The following DENND5A variants were observed in gnomAD, a reference collection of about 807,000 sequenced individuals.
DENND5A encodes the protein DENN domain-containing protein 5A.
In DENND5A, 64 loss-of-function variants were observed where a neutral mutation model predicts 140.3. The observed-to-expected ratio is 0.46, with a 90% CI of 0.37 to 0.56. DENND5A has a LOEUF of 0.56. Among genes scored for constraint, DENND5A ranks in the 20% least tolerant of loss-of-function variants. The pLI is 0.00. For missense variants in DENND5A, 1,292 were observed against 1,593.8 expected (o/e 0.81, Z 3.22); for synonymous variants, 605 against 607.7 (o/e 1.00, Z 0.07).
chr11:9,246,472 T>C (rs1851475605), intron 1 of DENND5A, among the ~76,000 whole-genome samples: 1 of 151,760 alleles, frequency 6.6e-6, no homozygotes, highest in African/African-American at 2.4e-5. Context: ...ATCAGCCAGG[T>C]GTGGTGGCAC....
At chr11:9,167,106 T>G (rs1399989442) in intron 10 of DENND5A, among the ~76,000 whole-genome samples, 1 of 152,190 alleles carries the variant, frequency 6.6e-6, no homozygotes, top group Admixed American at 6.5e-5. Flanking sequence ...TTCTTCTTCA[T>G]ATGTTGTTTA....
At position 9,265,098 on chromosome 11, in the gene DENND5A, T is replaced by C; in HGVS notation, c.-29A>G. On this transcript the variant is annotated 5_prime_UTR_variant, in exon 1 of 23. Transcript: ENST00000328194. The surrounding 1 kb of genome is among the most constrained non-coding windows in gnomAD (Gnocchi z 4.7). ...GCCGGGGCCGAGACCGGCCGGGCAG[T>C]GCGGAGCGGCACCGAGCCCCCGCAA... 6 of 1,402,704 alleles carry C rather than the reference T, an allele frequency of 4.3e-6. No individual in the cohort carries two copies. The highest frequency in any genetic ancestry group is 5.6e-6 in the Non-Finnish European group (6 of 1,073,316). 86.9% of individuals were successfully genotyped at this position (1,402,704 alleles called of 1,614,324 possible). A position where few individuals can be genotyped will look rare whatever the true frequency, so the allele number is the denominator to read the frequency against.
chr11:9,145,492 G>A lies in DENND5A; in HGVS notation c.3003+178C>T, dbSNP rs570484409. 25 of 710,418 alleles carry A rather than the reference G, an allele frequency of 3.5e-5. No homozygotes were observed. The Admixed American group carries it at 4.2e-4, about 12-fold the overall frequency. 44.0% of individuals were successfully genotyped at this position (710,418 alleles called of 1,614,324 possible). On this transcript the variant is annotated intron_variant, in intron 17 of 22. Coordinates refer to ENST00000328194, the MANE Select transcript of DENND5A (RefSeq NM_015213.4). ...TCCAAACATTGTTTAGACAGGGTGG[G>A]GTCCCCCTCCTCAGGGTCAGTCTTT...
In DENND5A at chr11:9,231,715, CA is replaced by C. The variant is rs71062818; in HGVS notation, c.110-24084del. 2.1e-3 allele frequency among the ~76,000 whole-genome samples: 169 copies of C among 78,960 alleles called. 6 individuals are homozygous for C. Among genetic ancestry groups the C allele is most frequent in the Middle Eastern group, 0.017 (2 of 118 alleles). The allele number at this position is 78,960 out of a possible 152,430, so 51.8% of individuals were successfully genotyped here. A position where few individuals can be genotyped will look rare whatever the true frequency, so the allele number is the denominator to read the frequency against. ...GGGCAACAAGAGCGAAACTCCGTCT[CA>C]AAAAAAAAAAAAAAAAGACTCTGGG... On this transcript the variant is annotated intron_variant, in intron 1 of 22. Coordinates refer to ENST00000328194, the MANE Select transcript of DENND5A (RefSeq NM_015213.4).
intron 1 of DENND5A, among the ~76,000 whole-genome samples, chr11:9,255,165 C>T (rs1387087056): frequency 1.3e-5 from 2 of 152,132 alleles, no homozygotes; most frequent in Non-Finnish European, 2.9e-5. Context: ...CACTTACAGC[C>T]ACTAAGATGG....
intron 1 of DENND5A, among the ~76,000 whole-genome samples, chr11:9,247,824 T>C (rs983450959): frequency 2.6e-5 from 4 of 152,186 alleles, no homozygotes; most frequent in Non-Finnish European, 5.9e-5. Flanking sequence ...TAATGGAGAT[T>C]CTCTACAGAC....
intron 5 of DENND5A, among the ~76,000 whole-genome samples, chr11:9,188,602 G>T (rs1196207833): frequency 6.6e-6 from 1 of 152,196 alleles, no homozygotes; most frequent in East Asian, 1.9e-4. Flanking sequence ...CCAGGCTGAG[G>T]TGGTTTCAGA....
chr11:9,162,396 C>T (rs542127650), intron 11 of DENND5A, among the ~76,000 whole-genome samples: 4 of 151,952 alleles, frequency 2.6e-5, no homozygotes, highest in Middle Eastern at 3.4e-3. Context: ...TGCACCACCA[C>T]GCCTGGCTAA....
intron 1 of DENND5A, among the ~76,000 whole-genome samples, chr11:9,223,526 C>T (rs1326536093): frequency 1.3e-5 from 2 of 151,722 alleles, no homozygotes; most frequent in Non-Finnish European, 2.9e-5. Context: ...GGCAACAGAG[C>T]GAGACTCCAT....
chr11:9,263,977 C>T (rs1041017916), intron 1 of DENND5A, among the ~76,000 whole-genome samples: 10 of 151,696 alleles, frequency 6.6e-5, no homozygotes, highest in Non-Finnish European at 1.2e-4. Flanking sequence ...AGAAACTTTA[C>T]AGTGACAGAA....
At chr11:9,243,901 A>G (rs1851354159) in intron 1 of DENND5A, among the ~76,000 whole-genome samples, 1 of 152,170 alleles carries the variant, frequency 6.6e-6, no homozygotes, top group Non-Finnish European at 1.5e-5. Flanking sequence ...CACAAAAAAT[A>G]ATATTTTATT....
At position 9,236,306 on chromosome 11, in the gene DENND5A, C is replaced by G. The variant is rs565592858; in HGVS notation, c.109+28655G>C. On this transcript the variant is annotated intron_variant, in intron 1 of 22. Coordinates refer to ENST00000328194, the MANE Select transcript of DENND5A (RefSeq NM_015213.4). The stretch of plus-strand genomic sequence containing the variant: ...CAGCACTTTGGGAGGCCGAGGCAGG[C>G]GTATCACCTGAGGTCAGGAGTTCGA... Among the ~76,000 whole-genome samples, 5 of 151,360 alleles carry G rather than the reference C, an allele frequency of 3.3e-5. No individual in the cohort carries two copies. The South Asian group carries it at 1.0e-3, about 31-fold the overall frequency.
chr11:9,153,344 C>CAAAAAAAAAA (rs59736475), intron 12 of DENND5A, among the ~76,000 whole-genome samples: 1 of 27,024 alleles, frequency 3.7e-5, no homozygotes, highest in Non-Finnish European at 7.0e-5. Flanking sequence ...GGCTCCCTCT[C>CAAAAAAAAAA]AAAAAAAAAA....
chr11:9,202,468 G>A (rs1274984283), intron 4 of DENND5A, among the ~76,000 whole-genome samples: 2 of 152,174 alleles, frequency 1.3e-5, no homozygotes. Context: ...TAAAGCAAAT[G>A]TGGCAAAATG....
chr11:9,249,625 T>G (rs994968010), intron 1 of DENND5A, among the ~76,000 whole-genome samples: 1 of 152,198 alleles, frequency 6.6e-6, no homozygotes, highest in South Asian at 2.1e-4. Flanking sequence ...CTCAGCTCAC[T>G]GCAACCTCTG....
At chr11:9,179,523 G>C (rs1055873603) in intron 6 of DENND5A, among the ~76,000 whole-genome samples, 1 of 138,900 alleles carries the variant, frequency 7.2e-6, no homozygotes, top group Non-Finnish European at 1.5e-5. Flanking sequence ...TTTTGAGACA[G>C]AGTTTCGCTC....
intron 9 of DENND5A, chr11:9,170,233 T>TA (rs751110033): frequency 1.1e-5 from 11 of 972,482 alleles, no homozygotes; most frequent in Admixed American, 6.2e-5. Flanking sequence ...TGGGCTTTGA[T>TA]ACAGTCATCT....
intron 1 of DENND5A, among the ~76,000 whole-genome samples, chr11:9,230,477 G>A (rs943755087): frequency 6.6e-6 from 1 of 151,888 alleles, no homozygotes; most frequent in Non-Finnish European, 1.5e-5. Context: ...CTGGGCTTAA[G>A]CAATCCTCCC....
intron 1 of DENND5A, among the ~76,000 whole-genome samples, chr11:9,254,286 GT>G (rs1312733212): frequency 2.0e-5 from 3 of 151,988 alleles, no homozygotes; most frequent in Non-Finnish European, 2.9e-5. Context: ...AGGAAGTGAG[GT>G]ATGATTGTCC....
Sources: allele counts gnomAD v4.1 joint callset (sites outside exome capture counted in the v4.1 genomes callset), GRCh38; gene constraint gnomAD v4.1.1; non-coding constraint Gnocchi (gnomAD v3.1); transcripts MANE v1.5; gene names NCBI Gene and HGNC (gene_info 2026-07-23, HGNC 2026-07-21).